IMMP2L: variants seen among roughly 807,000 people sequenced by gnomAD.
IMMP2L encodes inner mitochondrial membrane peptidase subunit 2, also known as mitochondrial inner membrane protease subunit 2.
Under a neutral mutation model 19.3 loss-of-function variants are expected in IMMP2L, and 18 were observed. The ratio of observed to expected loss-of-function variants is 0.93; its 90% CI spans 0.64 to 1.38. The LOEUF (loss-of-function observed/expected upper bound fraction) is 1.38. Among genes scored for constraint, IMMP2L ranks in the 40% most tolerant of loss-of-function variants. IMMP2L has a pLI of 0.00. For synonymous variants in IMMP2L, 76 were observed against 73.0 expected, an observed-to-expected ratio of 1.04 and a Z score of -0.21; for missense variants, 233 against 218.2, an observed-to-expected ratio of 1.07 and a Z score of -0.43.
chr7:110,750,062 AAC>A (rs1349381216), intron 5 of IMMP2L, among the ~76,000 whole-genome samples: 3 of 152,092 alleles, frequency 2.0e-5, no homozygotes, highest in African/African-American at 7.2e-5. Flanking sequence ...TCAATAGACA[AAC>A]ACTGTAAGGA....
chr7:111,375,314 CAA>C (rs376531431), intron 3 of IMMP2L, among the ~76,000 whole-genome samples: 2 of 145,832 alleles, frequency 1.4e-5, no homozygotes, highest in African/African-American at 2.5e-5. Context: ...TATCTGCCAC[CAA>C]AAAAAAAAGT....
At chr7:110,801,867 C>G (rs777835339) in intron 5 of IMMP2L, among the ~76,000 whole-genome samples, 1 of 151,964 alleles carries the variant, frequency 6.6e-6, no homozygotes, top group Non-Finnish European at 1.5e-5. Flanking sequence ...AGGATTATTG[C>G]CTTGTATGCC....
intron 5 of IMMP2L, among the ~76,000 whole-genome samples, chr7:110,829,160 T>G (rs1253653554): frequency 6.6e-6 from 1 of 152,140 alleles, no homozygotes; most frequent in Non-Finnish European, 1.5e-5. Flanking sequence ...AAAAGTTTAT[T>G]CTGTACCTAG....
At chr7:110,697,540 A>G (rs916239179) in intron 5 of IMMP2L, among the ~76,000 whole-genome samples, 2 of 152,194 alleles carry the variant, frequency 1.3e-5, no homozygotes, top group Non-Finnish European at 2.9e-5. Context: ...ATGGTGGCAC[A>G]CGCCTGTTAT....
In IMMP2L at chr7:111,149,531, T is replaced by C. The variant is rs538067304; in HGVS notation, c.240-185966A>G. Among the ~76,000 whole-genome samples, 14 of 152,288 alleles carry C rather than the reference T, an allele frequency of 9.2e-5. No homozygotes were observed. In the South Asian group the frequency reaches 2.7e-3, roughly 29 times the overall value. On this transcript the variant is annotated intron_variant, in intron 3 of 5. Coordinates refer to ENST00000405709, the MANE Select transcript of IMMP2L (RefSeq NM_032549.4). The stretch of plus-strand genomic sequence containing the variant: ...ACAGTCAATTAACACATAAATAAAC[T>C]AGTACTTACATATATTTTATACATT...
intron 5 of IMMP2L, among the ~76,000 whole-genome samples, chr7:110,754,863 C>T (rs941068829): frequency 6.6e-6 from 1 of 151,848 alleles, no homozygotes; most frequent in Non-Finnish European, 1.5e-5. Context: ...TTAACGTGGC[C>T]CTCGGAGAAC....
chr7:110,680,069 A>G (rs1474635204), intron 5 of IMMP2L, among the ~76,000 whole-genome samples: 1 of 152,232 alleles, frequency 6.6e-6, no homozygotes, highest in African/African-American at 2.4e-5. Flanking sequence ...AGGCAGAAAC[A>G]GAGTTCAAGT....
chr7:110,703,580 T>A (rs911291631), intron 5 of IMMP2L, among the ~76,000 whole-genome samples: 1 of 152,186 alleles, frequency 6.6e-6, no homozygotes, highest in Non-Finnish European at 1.5e-5. Flanking sequence ...TAGATAAATA[T>A]ACAAAATCAG....
At chr7:110,978,237 A>T (rs138661676) in intron 3 of IMMP2L, among the ~76,000 whole-genome samples, 1,540 of 152,138 alleles carry the variant, frequency 0.01, 26 homozygotes, top group African/African-American at 0.035. Flanking sequence ...AGGATGATGG[A>T]CTGTGCCACT....
chr7:110,887,470 C>T (rs552870319), intron 4 of IMMP2L, among the ~76,000 whole-genome samples: 3 of 151,798 alleles, frequency 2.0e-5, no homozygotes, highest in African/African-American at 4.8e-5. Flanking sequence ...TTTTAAGATA[C>T]TAAAATGTTT....
At chr7:111,021,465 T>C (rs1227312154) in intron 3 of IMMP2L, among the ~76,000 whole-genome samples, 1 of 152,242 alleles carries the variant, frequency 6.6e-6, no homozygotes, top group Admixed American at 6.5e-5. Context: ...AGAAGTTTAA[T>C]GGACTCACAG....
chr7:111,207,534 G>GTTTTTTTTTTT (rs376864629), intron 3 of IMMP2L, among the ~76,000 whole-genome samples: 13 of 90,100 alleles, frequency 1.4e-4, no homozygotes, highest in East Asian at 3.7e-4. Context: ...TTTATTTTTG[G>GTTTTTTTTTTT]TTTTTTTTTT....
intron 5 of IMMP2L, among the ~76,000 whole-genome samples, chr7:110,850,282 T>C (rs552255089): frequency 3.9e-5 from 6 of 152,066 alleles, no homozygotes; most frequent in African/African-American, 1.4e-4. Flanking sequence ...TCATTGCTCA[T>C]TGGCATAAGA....
chr7:111,072,420 A>G (rs1795030659), intron 3 of IMMP2L, among the ~76,000 whole-genome samples: 1 of 152,336 alleles, frequency 6.6e-6, no homozygotes, highest in African/African-American at 2.4e-5. Context: ...GCAAACTGGT[A>G]TCTTGTGCCT....
At chr7:111,470,711 C>G (rs1327302835) in intron 3 of IMMP2L, among the ~76,000 whole-genome samples, 10 of 82,952 alleles carry the variant, frequency 1.2e-4, no homozygotes, top group Admixed American at 6.0e-4. Context: ...ACATCACACT[C>G]TGGGGACTGT....
In IMMP2L at chr7:111,121,541, C is replaced by T. The variant is rs571248551; in HGVS notation, c.240-157976G>A. Among the ~76,000 whole-genome samples, 10 of 152,308 alleles carry T rather than the reference C, an allele frequency of 6.6e-5. No individual in the cohort carries two copies. In the South Asian group the frequency reaches 1.0e-3, roughly 16 times the overall value. On this transcript the variant is annotated intron_variant, in intron 3 of 5. Coordinates refer to ENST00000405709, the MANE Select transcript of IMMP2L (RefSeq NM_032549.4). ...AAAACCACAATGAGATACCATCTCA[C>T]ACCAGTTAGAATGGCAATCATTAAA... is the stretch of plus-strand genomic sequence containing the variant.
chr7:111,155,785 A>G (rs535664059), intron 3 of IMMP2L, among the ~76,000 whole-genome samples: 6 of 152,208 alleles, frequency 3.9e-5, no homozygotes, highest in African/African-American at 1.4e-4. Context: ...AAGTGTAAAA[A>G]TTTTAGGCAT....
intron 3 of IMMP2L, among the ~76,000 whole-genome samples, chr7:111,089,940 T>G (rs551175497): frequency 6.6e-6 from 1 of 151,974 alleles, no homozygotes; most frequent in African/African-American, 2.4e-5. Flanking sequence ...AAGGAGCAAT[T>G]AGATGTGAAG....
chr7:111,350,594 C>T (rs992469821), intron 3 of IMMP2L, among the ~76,000 whole-genome samples: 2 of 151,812 alleles, frequency 1.3e-5, no homozygotes, highest in Admixed American at 6.6e-5. Flanking sequence ...TAATCATAGC[C>T]ACAATAGCAG....
Sources: gnomAD v4.1 joint callset for allele counts (sites outside exome capture counted in the v4.1 genomes callset) on GRCh38, gnomAD v4.1.1 for gene constraint, MANE v1.5 for transcripts, NCBI Gene and HGNC (gene_info 2026-07-23, HGNC 2026-07-21) for gene names.